The following CD46 variants were observed in gnomAD, a reference collection of about 807,000 sequenced individuals.
The protein encoded by CD46 is CD46 molecule.
In CD46, 30 loss-of-function variants were observed where a neutral mutation model predicts 53.3. The ratio of observed to expected loss-of-function variants is 0.56; its 90% CI spans 0.42 to 0.76. CD46 has a LOEUF of 0.76. Among genes scored for constraint, CD46 ranks in the 30% least tolerant of loss-of-function variants. The probability of loss-of-function intolerance (pLI) is 0.00; values close to 1 mark genes in which losing one functional copy is unlikely to be tolerated. For missense variants in CD46, 409 were observed against 463.0 expected, an observed-to-expected ratio of 0.88 and a Z score of 1.07; for synonymous variants, 142 against 152.0, an observed-to-expected ratio of 0.93 and a Z score of 0.48.
At chr1:207,755,911 T>G (rs1330665688) in intron 1 of CD46, among the ~76,000 whole-genome samples, 1 of 152,224 alleles carries the variant, frequency 6.6e-6, no homozygotes, top group South Asian at 2.1e-4. Flanking sequence ...TTTTTTTGAA[T>G]AGCTACTCTG....
chr1:207,759,885 G>GA, intron 4 of CD46, 161 bp downstream of exon 4: 1 of 571,566 alleles, frequency 1.7e-6, no homozygotes, highest in Non-Finnish European at 3.1e-6. Flanking sequence ...AAACGGAGAG[G>GA]TTTTTAAATA....
At chr1:207,772,956 A>G (rs1338394684) in intron 8 of CD46, among the ~76,000 whole-genome samples, 1 of 152,238 alleles carries the variant, frequency 6.6e-6, no homozygotes, top group East Asian at 1.9e-4. Flanking sequence ...TGTTGATTGA[A>G]ATAGTTTCAA....
At chr1:207,779,396 G>T (rs1341753409) in intron 8 of CD46, among the ~76,000 whole-genome samples, 2 of 151,986 alleles carry the variant, frequency 1.3e-5, no homozygotes, top group Non-Finnish European at 2.9e-5. Context: ...ATATTTTTCT[G>T]CAACTTTTTC....
At chr1:207,763,929 T>C (rs1401213548) in intron 5 of CD46, among the ~76,000 whole-genome samples, 3 of 148,518 alleles carry the variant, frequency 2.0e-5, no homozygotes, top group African/African-American at 7.5e-5. Context: ...TTGGTCAAAG[T>C]GGGGAAAACA....
chr1:207,776,435 G>C (rs1187330794), intron 8 of CD46, among the ~76,000 whole-genome samples: 1 of 152,176 alleles, frequency 6.6e-6, no homozygotes, highest in African/African-American at 2.4e-5. Context: ...CCTGTCTTCT[G>C]CATCTATCTC....
At chr1:207,792,886 C>T (rs984773016) in intron 12 of CD46, among the ~76,000 whole-genome samples, 22 of 152,158 alleles carry the variant, frequency 1.4e-4, no homozygotes, top group Admixed American at 1.3e-3. Flanking sequence ...TGGTTATACT[C>T]GGTTAAAGAA....
intron 7 of CD46, chr1:207,769,766 C>CT (rs761840413): frequency 0.013 from 1,915 of 144,438 alleles, 45 homozygotes; most frequent in African/African-American, 0.043. Flanking sequence ...AAGCACATTC[C>CT]CTTTTTTTTT....
In CD46 at chr1:207,752,826, A is replaced by C. The variant is rs1206640993; in HGVS notation, c.97+517A>C. ...GGGCTGGGCGAGCAGGGGCCTGGCCAGGTGTTGCTGGGAGCGTGCTGTGCG... is the reference window on the plus strand; with the variant it reads ...GGGCTGGGCGAGCAGGGGCCTGGCCCGGTGTTGCTGGGAGCGTGCTGTGCG... On this transcript the variant is annotated intron_variant, in intron 1 of 12. Coordinates refer to ENST00000367042, the MANE Select transcript of CD46 (RefSeq NM_172351.3). This position sits in a 1 kb window ranked among gnomAD's most constrained non-coding sequence, Gnocchi z 4.1. Among the ~76,000 whole-genome samples, 1 of 152,068 alleles carries C rather than the reference A, an allele frequency of 6.6e-6. No individual in the cohort carries two copies. The highest frequency in any genetic ancestry group is 1.5e-5 in the Non-Finnish European group (1 of 68,002).
At chr1:207,769,292 T>C (rs1263275140) in intron 7 of CD46, 1 of 152,216 alleles carries the variant, frequency 6.6e-6, no homozygotes, top group Non-Finnish European at 1.5e-5. Flanking sequence ...CTGTAAGAGC[T>C]TGGTAACTGG....
chr1:207,783,201 A>C (rs1658944467), intron 8 of CD46, 91 bp from the exon 9 acceptor site: 1 of 676,888 alleles, frequency 1.5e-6, no homozygotes, highest in Non-Finnish European at 2.6e-6. Context: ...GGTGAAAAAA[A>C]ATCACCCTAT....
chr1:207,756,785 G>A (rs1250698899), intron 1 of CD46, among the ~76,000 whole-genome samples: 1 of 152,136 alleles, frequency 6.6e-6, no homozygotes, highest in Non-Finnish European at 1.5e-5. Flanking sequence ...GTTTATTGTC[G>A]AATGTTTATT....
intron 1 of CD46, among the ~76,000 whole-genome samples, chr1:207,754,953 T>TAAAAAAAAAAA (rs5780402): frequency 7.5e-6 from 1 of 133,112 alleles, no homozygotes; most frequent in Non-Finnish European, 1.6e-5. Flanking sequence ...ACAAAACATG[T>TAAAAAAAAAAA]AAAAAAAAAA....
chr1:207,752,116 C>G lies in CD46; in HGVS notation c.-97C>G. 3 of 1,107,456 alleles carry G rather than the reference C, an allele frequency of 2.7e-6. No individual in the cohort carries two copies. Among genetic ancestry groups the G allele is most frequent in the Non-Finnish European group, 4.1e-6 (3 of 729,280 alleles). The allele number at this position is 1,107,456 out of a possible 1,614,324, so 68.6% of individuals were successfully genotyped here. On this transcript the variant is annotated 5_prime_UTR_variant, in exon 1 of 13. Coordinates refer to ENST00000367042, the MANE Select transcript of CD46 (RefSeq NM_172351.3). The surrounding 1 kb of genome is among the most constrained non-coding windows in gnomAD (Gnocchi z 4.1). ...ATGCTTTGTGAGTTGGGGATTGTTG[C>G]GTCCCATATCTGGACCCAGAAGGGA...
Position 207,757,149 on chromosome 1 carries a change from C to G in CD46, c.233C>G (p.Thr78Ser), listed in dbSNP as rs1655643291. The part of the protein sequence containing the change: ...YFYIPPLATH[T>S]ICDRNHTWLP... ...TATATACCTCCTCTTGCCACCCATACTATTTGTGATCGGAATCATACATGG... is the reference window on the plus strand; with the variant it reads ...TATATACCTCCTCTTGCCACCCATAGTATTTGTGATCGGAATCATACATGG... The change falls in exon 2 of 13, where the codon ACT becomes AGT. Residue 78 changes from threonine to serine, a missense_variant. Coordinates refer to ENST00000367042, the MANE Select transcript of CD46 (RefSeq NM_172351.3). The G allele has an allele frequency of 1.2e-6, 2 of 1,613,930 alleles. No homozygotes were observed. Among genetic ancestry groups the G allele is most frequent in the Non-Finnish European group, 1.7e-6 (2 of 1,179,912 alleles).
chr1:207,789,775 G>A (rs1012172986), intron 11 of CD46, among the ~76,000 whole-genome samples: 8 of 144,430 alleles, frequency 5.5e-5, no homozygotes, highest in Non-Finnish European at 9.1e-5. Context: ...GCTCACGCCT[G>A]TAATCCCAGC....
rs1655073604 is a variant in CD46, at chr1:207,752,819, C to T, written c.97+510C>T. ...ATGTGCTGGGCTGGGCGAGCAGGGGCCTGGCCAGGTGTTGCTGGGAGCGTG... is the reference window on the plus strand; with the variant it reads ...ATGTGCTGGGCTGGGCGAGCAGGGGTCTGGCCAGGTGTTGCTGGGAGCGTG... On this transcript the variant is annotated intron_variant, in intron 1 of 12. Coordinates refer to ENST00000367042, the MANE Select transcript of CD46 (RefSeq NM_172351.3). This position sits in a 1 kb window ranked among gnomAD's most constrained non-coding sequence, Gnocchi z 4.1. Among the ~76,000 whole-genome samples the T allele has an allele frequency of 1.3e-5, 2 of 152,032 alleles. No homozygotes were observed. Among genetic ancestry groups the T allele is most frequent in the South Asian group, 2.1e-4 (1 of 4,820 alleles).
chr1:207,756,488 G>A (rs1311259501), intron 1 of CD46, among the ~76,000 whole-genome samples: 1 of 152,212 alleles, frequency 6.6e-6, no homozygotes, highest in African/African-American at 2.4e-5. Flanking sequence ...TGCAGATAGA[G>A]TTTGTCAGTG....
chr1:207,794,011 A>G lies in CD46; in HGVS notation c.*534A>G, dbSNP rs917594433. The G allele has an allele frequency of 5.1e-5, 9 of 175,616 alleles. No homozygotes were observed. In the South Asian group the frequency reaches 7.6e-4, roughly 15 times the overall value. 10.9% of individuals were successfully genotyped at this position (175,616 alleles called of 1,614,324 possible). On this transcript the variant is annotated 3_prime_UTR_variant, in exon 13 of 13. Transcript: ENST00000367042. ...TCACCAACTATAGAATGTATTTTAT[A>G]TATCGTTCATTGTAAAAAGCCCTTA...
chr1:207,769,780 T>TTTA, intron 7 of CD46: 1 of 152,698 alleles, frequency 6.5e-6, no homozygotes, highest in Non-Finnish European at 1.5e-5. Context: ...TTTTTTTTTT[T>TTTA]GAGACAGAGT....
Sources: allele counts gnomAD v4.1 joint callset (sites outside exome capture counted in the v4.1 genomes callset), GRCh38; gene constraint gnomAD v4.1.1; non-coding constraint Gnocchi (gnomAD v3.1); transcripts MANE v1.5; gene names NCBI Gene and HGNC (gene_info 2026-07-23, HGNC 2026-07-21).